Variants in CDH12 observed in about 807,000 individuals in gnomAD.
CDH12 encodes cadherin-12.
A neutral mutation model predicts 74.1 loss-of-function variants in CDH12; 41 were observed. That is an observed-to-expected ratio of 0.55 (90% CI 0.43 to 0.72). The LOEUF (loss-of-function observed/expected upper bound fraction) is 0.72, where lower values mean the gene tolerates loss of function less well. Ranked by LOEUF, CDH12 falls within the 30% of genes least tolerant of loss-of-function variation. CDH12 has a pLI of 0.00. For missense variants in CDH12, 945 were observed against 977.2 expected (o/e 0.97, Z 0.44); for synonymous variants, 399 against 355.0 (o/e 1.12, Z -1.39).
intron 3 of CDH12, among the ~76,000 whole-genome samples, chr5:22,323,936 C>T (rs1738985969): frequency 6.6e-6 from 1 of 151,958 alleles, no homozygotes; most frequent in Admixed American, 6.6e-5. Context: ...TTGACTTGCC[C>T]AAAAGTCTTG....
At chr5:21,863,064 C>T (rs2150009845) in intron 6 of CDH12, among the ~76,000 whole-genome samples, 1 of 152,166 alleles carries the variant, frequency 6.6e-6, no homozygotes, top group East Asian at 1.9e-4. Flanking sequence ...ACACATAAAG[C>T]TCTAAGGGGT....
At chr5:21,835,721 T>TA (rs1749493110) in intron 8 of CDH12, among the ~76,000 whole-genome samples, 2 of 151,684 alleles carry the variant, frequency 1.3e-5, no homozygotes, top group Non-Finnish European at 2.9e-5. Context: ...TTACATATTT[T>TA]AAAAAACATT....
At chr5:22,148,747 C>G (rs1470912025) in intron 4 of CDH12, among the ~76,000 whole-genome samples, 1 of 152,186 alleles carries the variant, frequency 6.6e-6, no homozygotes, top group Non-Finnish European at 1.5e-5. Context: ...ATCTCCAACT[C>G]TGTCATTGAA....
At chr5:22,649,799 A>G (rs73062275) in intron 1 of CDH12, among the ~76,000 whole-genome samples, 4,755 of 152,020 alleles carry the variant, frequency 0.031, 210 homozygotes, top group African/African-American at 0.099. Flanking sequence ...ATATGATAAA[A>G]TCCAGATATC....
chr5:22,246,332 G>C (rs1419880887), intron 3 of CDH12, among the ~76,000 whole-genome samples: 1 of 151,996 alleles, frequency 6.6e-6, no homozygotes, highest in Non-Finnish European at 1.5e-5. Flanking sequence ...TTCACGTAAA[G>C]ATAATATCAA....
chr5:22,666,934 C>G (rs921826851), intron 1 of CDH12, among the ~76,000 whole-genome samples: 1 of 152,112 alleles, frequency 6.6e-6, no homozygotes, highest in Non-Finnish European at 1.5e-5. Context: ...ATATTTTGTT[C>G]TTATATCTGA....
chr5:22,473,709 A>G (rs976069289), intron 2 of CDH12, among the ~76,000 whole-genome samples: 9 of 152,156 alleles, frequency 5.9e-5, no homozygotes, highest in Non-Finnish European at 1.0e-4. Context: ...CACATTTATC[A>G]TAGCCTTTCT....
chr5:22,780,840 C>G (rs1364215911), intron 1 of CDH12, among the ~76,000 whole-genome samples: 1 of 151,952 alleles, frequency 6.6e-6, no homozygotes, highest in Non-Finnish European at 1.5e-5. Context: ...AGAACTTTTC[C>G]AAATACTTGT....
chr5:21,804,646 ACACACACACACACACACAC>A lies in CDH12; in HGVS notation c.1003-2245_1003-2227del, dbSNP rs1747331583. ...AAATCATTCTATAGTGAATTAAAAC[ACACACACACACACACACAC>A]ACACACACACACACACACACACACA... On this transcript the variant is annotated intron_variant, in intron 9 of 14. Coordinates refer to ENST00000382254, the MANE Select transcript of CDH12 (RefSeq NM_004061.5). 1.9e-3 allele frequency among the ~76,000 whole-genome samples: 172 copies of A among 91,410 alleles called. 1 individual carries two copies. Among genetic ancestry groups the A allele is most frequent in the Admixed American group, 5.0e-3 (44 of 8,888 alleles). 60.0% of individuals were successfully genotyped at this position (91,410 alleles called of 152,430 possible).
At position 22,047,661 on chromosome 5, in the gene CDH12, T is replaced by C. The variant is rs953419616; in HGVS notation, c.231+30785A>G. On this transcript the variant is annotated intron_variant, in intron 5 of 14. Coordinates refer to ENST00000382254, the MANE Select transcript of CDH12 (RefSeq NM_004061.5). ...AGGTGCTGGCATCTACTTCCAGTTT[T>C]TACCTACCTCCTATGCACTGTTGAC... 2.0e-5 allele frequency among the ~76,000 whole-genome samples: 3 copies of C among 152,170 alleles called. No homozygotes were observed. The South Asian group carries it at 6.2e-4, about 31-fold the overall frequency.
chr5:22,048,424 T>C (rs1001946309), intron 5 of CDH12, among the ~76,000 whole-genome samples: 1 of 152,186 alleles, frequency 6.6e-6, no homozygotes, highest in African/African-American at 2.4e-5. Flanking sequence ...CCGTCTTTTT[T>C]TGTTGTCGTT....
intron 6 of CDH12, among the ~76,000 whole-genome samples, chr5:21,973,918 A>C (rs1278708748): frequency 6.6e-6 from 1 of 152,170 alleles, no homozygotes; most frequent in Non-Finnish European, 1.5e-5. Context: ...TGTAGCAGGT[A>C]CTGAATAACA....
At chr5:22,307,157 C>A (rs927774095) in intron 3 of CDH12, among the ~76,000 whole-genome samples, 1 of 152,070 alleles carries the variant, frequency 6.6e-6, no homozygotes, top group Admixed American at 6.5e-5. Context: ...AGATTTTCAG[C>A]CTCTATGAAA....
chr5:22,729,849 C>A (rs1268145160), intron 1 of CDH12, among the ~76,000 whole-genome samples: 4 of 151,866 alleles, frequency 2.6e-5, no homozygotes, highest in Non-Finnish European at 5.9e-5. Context: ...CAATGTTCTT[C>A]ATTTAGTTCT....
chr5:22,046,418 G>A (rs1739954117), intron 5 of CDH12, among the ~76,000 whole-genome samples: 1 of 144,628 alleles, frequency 6.9e-6, no homozygotes, highest in Non-Finnish European at 1.5e-5. Flanking sequence ...AAAGTCACTG[G>A]TCATTTAATT....
rs867063987 is a variant in CDH12, at chr5:21,751,329, T to C, written c.*408A>G. 2.5e-5 allele frequency: 5 copies of C among 196,252 alleles called. No homozygotes were observed. The South Asian group carries it at 4.6e-4, about 18-fold the overall frequency. 12.2% of individuals were successfully genotyped at this position (196,252 alleles called of 1,614,324 possible). On this transcript the variant is annotated 3_prime_UTR_variant, in exon 15 of 15. Transcript: ENST00000382254. ...AGAGTGTACTGTACACCACTTTAAA[T>C]GATAAGAGTTTCAATAGGCACTTTA... is the stretch of plus-strand genomic sequence containing the variant.
chr5:22,116,022 T>C (rs1328454854), intron 4 of CDH12, among the ~76,000 whole-genome samples: 2 of 152,180 alleles, frequency 1.3e-5, no homozygotes, highest in Non-Finnish European at 2.9e-5. Context: ...TCATGTCATA[T>C]TCATGAACAT....
intron 3 of CDH12, among the ~76,000 whole-genome samples, chr5:22,339,124 GACA>G (rs1305666165): frequency 1.3e-5 from 2 of 152,146 alleles, no homozygotes; most frequent in African/African-American, 4.8e-5. Context: ...TTGAAAATGG[GACA>G]TGACAAATGT....
At chr5:22,022,141 A>G (rs1000652527) in intron 5 of CDH12, among the ~76,000 whole-genome samples, 7 of 152,070 alleles carry the variant, frequency 4.6e-5, no homozygotes, top group Non-Finnish European at 1.0e-4. Context: ...CAGCCCCACT[A>G]TTGACTTTAG....
Sources: allele counts gnomAD v4.1 joint callset (sites outside exome capture counted in the v4.1 genomes callset), GRCh38; gene constraint gnomAD v4.1.1; transcripts MANE v1.5; gene names NCBI Gene and HGNC (gene_info 2026-07-23, HGNC 2026-07-21).